Variants in GRAMD2B observed in about 807,000 individuals in gnomAD.
GRAMD2B encodes GRAM domain containing 2B, also known as GRAM domain-containing protein 2B.
Under a neutral mutation model 59.2 loss-of-function variants are expected in GRAMD2B, and 41 were observed. That is an observed-to-expected ratio of 0.69 (90% CI 0.54 to 0.90). The LOEUF (loss-of-function observed/expected upper bound fraction) is 0.90, where lower values mean the gene tolerates loss of function less well. Among genes scored for constraint, GRAMD2B ranks in the 40% least tolerant of loss-of-function variants. The pLI is 0.00. For synonymous variants in GRAMD2B, 161 were observed against 182.7 expected, an observed-to-expected ratio of 0.88 and a Z score of 0.96; for missense variants, 424 against 500.5, an observed-to-expected ratio of 0.85 and a Z score of 1.46.
At chr5:126,477,862 G>A in intron 6 of GRAMD2B, 75 bp downstream of exon 6, 6 of 864,514 alleles carry the variant, frequency 6.9e-6, no homozygotes, top group South Asian at 6.6e-5. Context: ...GGGGTCTCTT[G>A]CCAAGGACCA....
intron 9 of GRAMD2B, among the ~76,000 whole-genome samples, 181 bp from the exon 10 acceptor site, chr5:126,484,221 A>G (rs1232044924): frequency 6.6e-6 from 1 of 152,168 alleles, no homozygotes; most frequent in African/African-American, 2.4e-5. Context: ...TCCTTATATC[A>G]CTTTATTACT....
intron 1 of GRAMD2B, among the ~76,000 whole-genome samples, chr5:126,439,689 G>A (rs1468551894): frequency 3.9e-5 from 6 of 152,116 alleles, no homozygotes; most frequent in African/African-American, 1.4e-4. Flanking sequence ...TACTTAGTAA[G>A]TTGACTGATT....
intron 13 of GRAMD2B, among the ~76,000 whole-genome samples, chr5:126,492,210 G>T (rs1247835345): frequency 6.6e-6 from 1 of 152,144 alleles, no homozygotes; most frequent in Non-Finnish European, 1.5e-5. Context: ...TAACAGGAGT[G>T]TTAAACATTA....
intron 9 of GRAMD2B, 51 bp downstream of exon 9, chr5:126,483,625 C>T: frequency 1.1e-6 from 1 of 900,184 alleles, no homozygotes; most frequent in Non-Finnish European, 1.8e-6. Context: ...CTCAAAACAT[C>T]CTCACCCCAC....
intron 2 of GRAMD2B, among the ~76,000 whole-genome samples, chr5:126,466,880 A>G (rs1768530287): frequency 6.6e-6 from 1 of 152,164 alleles, no homozygotes; most frequent in Non-Finnish European, 1.5e-5. Context: ...CGTAATAATA[A>G]TACACTCTCA....
At chr5:126,461,402 G>A (rs1767334466) in intron 1 of GRAMD2B, among the ~76,000 whole-genome samples, 1 of 152,228 alleles carries the variant, frequency 6.6e-6, no homozygotes, top group Non-Finnish European at 1.5e-5. Flanking sequence ...ACAAATATTA[G>A]ATGGCTGATA....
chr5:126,420,545 T>C (rs368317772), upstream of GRAMD2B, among the ~76,000 whole-genome samples: 42 of 152,296 alleles, frequency 2.8e-4, no homozygotes, highest in African/African-American at 9.9e-4. Context: ...CCATTGGAAG[T>C]CCTTATACCA....
chr5:126,370,162 G>C (rs971460672), upstream of GRAMD2B, among the ~76,000 whole-genome samples: 5 of 152,172 alleles, frequency 3.3e-5, no homozygotes, highest in Non-Finnish European at 7.3e-5. Context: ...AGGGCATTCA[G>C]TGCTAAAACC....
chr5:126,465,696 C>T (rs1482140269), intron 2 of GRAMD2B, 151 bp downstream of exon 2: 2 of 699,020 alleles, frequency 2.9e-6, no homozygotes, highest in African/African-American at 1.8e-5. Flanking sequence ...TTCCCTGATA[C>T]CCAGGTAGCA....
chr5:126,420,380 C>A (rs556226226), upstream of GRAMD2B, among the ~76,000 whole-genome samples: 5 of 152,216 alleles, frequency 3.3e-5, no homozygotes, highest in African/African-American at 7.2e-5. Context: ...AGTTGTTTAA[C>A]AATGCCTTTT....
chr5:126,400,308 G>A (rs1430890665), intron 1 of GRAMD2B, among the ~76,000 whole-genome samples: 1 of 152,058 alleles, frequency 6.6e-6, no homozygotes, highest in Non-Finnish European at 1.5e-5. Context: ...ATTGTAAGCT[G>A]ATAATAACTC....
At chr5:126,365,385 T>A (rs1754394516) in intron 1 of GRAMD2B, among the ~76,000 whole-genome samples, 1 of 152,224 alleles carries the variant, frequency 6.6e-6, no homozygotes, top group Non-Finnish European at 1.5e-5. Context: ...TAATTATCAA[T>A]TTGCATAAAA....
intron 1 of GRAMD2B, among the ~76,000 whole-genome samples, chr5:126,457,923 C>A (rs1561552333): frequency 6.6e-6 from 1 of 152,094 alleles, no homozygotes; most frequent in Non-Finnish European, 1.5e-5. Context: ...CATTGTGATT[C>A]TTTTTCATGG....
At chr5:126,360,990 G>T (rs1754193012) in intron 1 of GRAMD2B, among the ~76,000 whole-genome samples, 1 of 152,144 alleles carries the variant, frequency 6.6e-6, no homozygotes, top group Non-Finnish European at 1.5e-5. Flanking sequence ...TGAGCTCCTT[G>T]TAAGCAGGCA....
At chr5:126,407,394 G>A (rs79338288) in intron 1 of GRAMD2B, among the ~76,000 whole-genome samples, 3,342 of 152,028 alleles carry the variant, frequency 0.022, 57 homozygotes, top group Admixed American at 0.039. Flanking sequence ...CCTAGCTATC[G>A]TAAGCCTCTA....
intron 9 of GRAMD2B, 137 bp from the exon 10 acceptor site, chr5:126,484,262 GCCA>G (rs1222733886): frequency 3.3e-5 from 30 of 916,080 alleles, no homozygotes; most frequent in Admixed American, 5.4e-5. Context: ...TTCAGCCCCA[GCCA>G]CCACAACTAA....
At chr5:126,454,026 A>C (rs772643057) in intron 1 of GRAMD2B, among the ~76,000 whole-genome samples, 2 of 152,266 alleles carry the variant, frequency 1.3e-5, no homozygotes, top group Non-Finnish European at 2.9e-5. Context: ...GGATTTGTTC[A>C]GAATCTGGTA....
At chr5:126,441,894 A>G (rs1050487207) in intron 1 of GRAMD2B, among the ~76,000 whole-genome samples, 3 of 152,156 alleles carry the variant, frequency 2.0e-5, no homozygotes, top group Non-Finnish European at 4.4e-5. Flanking sequence ...TCATAGGATT[A>G]TATCTGCTGA....
At chr5:126,395,731 C>T (rs768674155) in intron 1 of GRAMD2B, among the ~76,000 whole-genome samples, 2 of 152,106 alleles carry the variant, frequency 1.3e-5, no homozygotes, top group Non-Finnish European at 2.9e-5. Context: ...GAGCCTGCTA[C>T]TCAGTTTCCA....
Sources: allele counts gnomAD v4.1 joint callset (sites outside exome capture counted in the v4.1 genomes callset), GRCh38; gene constraint gnomAD v4.1.1; transcripts MANE v1.5; gene names NCBI Gene and HGNC (gene_info 2026-07-23, HGNC 2026-07-21).